RCN2: variants seen among roughly 807,000 people sequenced by gnomAD.
RCN2 encodes reticulocalbin-2.
RCN2 carries 23 observed loss-of-function variants against 37.5 expected under a neutral mutation model. The observed-to-expected ratio is 0.61, with a 90% CI of 0.44 to 0.87. The LOEUF (loss-of-function observed/expected upper bound fraction) is 0.87, where lower values mean the gene tolerates loss of function less well. RCN2 is among the 40% of genes least tolerant of loss of function. RCN2 has a pLI of 0.00. For missense variants in RCN2, 381 were observed against 390.4 expected, an observed-to-expected ratio of 0.98 and a Z score of 0.20; for synonymous variants, 140 against 144.6, an observed-to-expected ratio of 0.97 and a Z score of 0.23.
chr15:76,946,905 G>A (rs925686904), intron 4 of RCN2, among the ~76,000 whole-genome samples: 2 of 152,194 alleles, frequency 1.3e-5, no homozygotes, highest in African/African-American at 4.8e-5. Flanking sequence ...GATAGGGCTA[G>A]GTTTGCTGAA....
rs1162070092 is a variant in RCN2 at position 76,949,795 on chromosome 15, A to T, written c.*573A>T. ...TAGAACTTTATATTTTTGCATATGT[A>T]TAGATAGTAATTATATTTAATGTAT... On this transcript the variant is annotated 3_prime_UTR_variant, in exon 7 of 7. Transcript: ENST00000394885. The T allele has an allele frequency of 1.3e-5, 2 of 152,626 alleles. No individual in the cohort carries two copies. Among genetic ancestry groups the T allele is most frequent in the Non-Finnish European group, 2.9e-5 (2 of 68,022 alleles). 9.5% of individuals were successfully genotyped at this position (152,626 alleles called of 1,614,324 possible). A position where few individuals can be genotyped will look rare whatever the true frequency, so the allele number is the denominator to read the frequency against.
rs537918436 is a variant in RCN2 at position 76,934,730 on chromosome 15, T to C, written c.251-796T>C. Among the ~76,000 whole-genome samples the C allele has an allele frequency of 2.6e-5, 4 of 152,358 alleles. No homozygotes were observed. The East Asian group carries it at 7.7e-4, about 29-fold the overall frequency. ...AATTCAACTCACATAAAATTTATTT[T>C]AAAGGAAGACTTTATGTCACCTTCA... is the stretch of plus-strand genomic sequence containing the variant. On this transcript the variant is annotated intron_variant, in intron 2 of 6. Transcript: ENST00000394885.
intron 3 of RCN2, chr15:76,942,651 A>C (rs1021659018): frequency 2.6e-5 from 4 of 152,244 alleles, no homozygotes; most frequent in African/African-American, 9.7e-5. Flanking sequence ...TGCTAAGACT[A>C]GACTTCCAGG....
intron 3 of RCN2, among the ~76,000 whole-genome samples, chr15:76,936,169 G>GT (rs2075246697): frequency 6.8e-6 from 1 of 147,962 alleles, no homozygotes; most frequent in African/African-American, 2.5e-5. Flanking sequence ...ATCCAAAAAA[G>GT]TAAGTATTAA....
chr15:76,940,902 T>C (rs1346396435), intron 3 of RCN2, among the ~76,000 whole-genome samples: 1 of 152,082 alleles, frequency 6.6e-6, no homozygotes, highest in East Asian at 1.9e-4. Flanking sequence ...ATATAGGGAA[T>C]AAAGATAACC....
In RCN2 at chr15:76,944,184, G is replaced by A. The variant is rs183436362; in HGVS notation, c.561+313G>A. ...AATTTTTTGTATTTTCAGTAGAGAC[G>A]GGGTTTCACCGTGGTCTCAATCTCC... On this transcript the variant is annotated intron_variant, in intron 4 of 6. Transcript: ENST00000394885. Among the ~76,000 whole-genome samples the A allele has an allele frequency of 3.9e-4, 59 of 151,706 alleles. No homozygotes were observed. The East Asian group carries it at 8.3e-3, about 21-fold the overall frequency.
At position 76,950,420 on chromosome 15, in the gene RCN2, G is replaced by C. The variant is rs1170061366; in HGVS notation, c.*1198G>C. 1 of 113,850 alleles carries C rather than the reference G, an allele frequency of 8.8e-6. No homozygotes were observed. Among genetic ancestry groups the C allele is most frequent in the Non-Finnish European group, 1.7e-5 (1 of 59,256 alleles). 7.1% of individuals were successfully genotyped at this position (113,850 alleles called of 1,614,324 possible). ...TTTTTTTTTTTTGTGACAGAGTCTT[G>C]CTCTGTGGCCCAGGCTGGAGTGCAG... On this transcript the variant is annotated 3_prime_UTR_variant, in exon 7 of 7. Coordinates refer to ENST00000394885, the MANE Select transcript of RCN2 (RefSeq NM_002902.3).
chr15:76,945,506 G>T (rs897537409), intron 4 of RCN2, among the ~76,000 whole-genome samples: 1 of 152,078 alleles, frequency 6.6e-6, no homozygotes, highest in African/African-American at 2.4e-5. Context: ...TTGTTGAATT[G>T]TAAGTTTAAC....
rs138955104 is a variant in RCN2, at chr15:76,943,180, T to G, written c.448-578T>G. ...ATTATTAAAGTAGACAGTATAGTACTGTAGAAAGAATAGGGAGGATCCAAG... is the reference window on the plus strand; with the variant it reads ...ATTATTAAAGTAGACAGTATAGTACGGTAGAAAGAATAGGGAGGATCCAAG... On this transcript the variant is annotated intron_variant, in intron 3 of 6. Transcript: ENST00000394885. 9.0e-3 allele frequency: 1,376 copies of G among 152,486 alleles called. 7 individuals are homozygous for G. The highest frequency in any genetic ancestry group is 0.014 in the Non-Finnish European group (977 of 68,176). The allele number at this position is 152,486 out of a possible 1,614,324, so 9.4% of individuals were successfully genotyped here. A position where few individuals can be genotyped will look rare whatever the true frequency, so the allele number is the denominator to read the frequency against.
At chr15:76,947,789 A>AG in intron 5 of RCN2, 1 of 348,368 alleles carries the variant, frequency 2.9e-6, no homozygotes, top group Non-Finnish European at 5.2e-6. Context: ...TAAATGGGGA[A>AG]GGAAGTAAGG....
rs2075305377 is a variant in RCN2 at position 76,948,466 on chromosome 15, T to G, written c.715T>G (p.Tyr239Asp). The G allele has an allele frequency of 6.2e-7, 1 of 1,610,928 alleles. No homozygotes were observed. Among genetic ancestry groups the G allele is most frequent in the Non-Finnish European group, 8.5e-7 (1 of 1,178,174 alleles). Reference protein sequence around the residue: ...LVEKDRFVNDYDKDNDGRLDP... With the variant: ...LVEKDRFVNDDDKDNDGRLDP... ...TGAGAAAGACAGATTCGTGAATGATTATGACAAAGATAACGATGGCAGGCT... is the reference window on the plus strand; with the variant it reads ...TGAGAAAGACAGATTCGTGAATGATGATGACAAAGATAACGATGGCAGGCT... Residue 239 changes from tyrosine to aspartate, a missense_variant, in exon 6 of 7, where the codon TAT becomes GAT. Transcript: ENST00000394885.
intron 3 of RCN2, among the ~76,000 whole-genome samples, chr15:76,937,421 T>A (rs868428030): frequency 4.0e-5 from 6 of 151,254 alleles, no homozygotes; most frequent in Middle Eastern, 3.2e-3. Flanking sequence ...TTTTTTTTTT[T>A]ATTTTTATTT....
chr15:76,936,658 C>T (rs2075250635), intron 3 of RCN2, among the ~76,000 whole-genome samples: 3 of 152,076 alleles, frequency 2.0e-5, no homozygotes, highest in East Asian at 3.9e-4. Context: ...ATTGAGGGTC[C>T]GTGATTTAAA....
At chr15:76,943,948 A>G (rs12908880) in intron 4 of RCN2, 77 bp downstream of exon 4, 4 of 671,438 alleles carry the variant, frequency 6.0e-6, no homozygotes, top group Middle Eastern at 8.8e-4. Context: ...TTTTGTGGGT[A>G]CATAGTAGGT....
chr15:76,943,752 T>TTTG lies in RCN2; in HGVS notation c.448-6_448-5insTTG, dbSNP rs2075284380. 6.5e-7 allele frequency: 1 copy of TTTG among 1,540,210 alleles called. No homozygotes were observed. The highest frequency in any genetic ancestry group is 1.4e-5 in the African/African-American group (1 of 73,018). ...GTATACTAATGAGAAATTTTAATTT[T>TTTG]CAAAGCTTCACTTAAAGGACAAGAA... On this transcript the variant is annotated splice_polypyrimidine_tract_variant and splice_region_variant and intron_variant, in intron 3 of 6. Coordinates refer to ENST00000394885, the MANE Select transcript of RCN2 (RefSeq NM_002902.3).
intron 5 of RCN2, chr15:76,947,843 TAA>T (rs1354129118): frequency 1.2e-5 from 3 of 244,550 alleles, no homozygotes; most frequent in Non-Finnish European, 2.3e-5. Flanking sequence ...AGGTGGATCT[TAA>T]AAGAGATAGA....
At chr15:76,932,044 T>G (rs775688405) in intron 1 of RCN2, 59 bp downstream of exon 1, 107 of 1,232,948 alleles carry the variant, frequency 8.7e-5, no homozygotes, top group Non-Finnish European at 1.1e-4. Flanking sequence ...TGCCGCGGGC[T>G]TTGTCCCGGG....
Position 76,943,485 on chromosome 15 carries a change from A to G in RCN2, c.448-273A>G. On this transcript the variant is annotated intron_variant, in intron 3 of 6. Transcript: ENST00000394885. ...TATTAGAGATTTTTATCCCAGTTTGATAGATGAGGAAACCAGAGAGGTTAA... is the reference window on the plus strand; with the variant it reads ...TATTAGAGATTTTTATCCCAGTTTGGTAGATGAGGAAACCAGAGAGGTTAA... The G allele has an allele frequency of 1.1e-5, 3 of 277,308 alleles. No homozygotes were observed. The East Asian group carries it at 1.9e-4, about 17-fold the overall frequency. The allele number at this position is 277,308 out of a possible 1,614,324, so 17.2% of individuals were successfully genotyped here.
chr15:76,944,467 T>G (rs2075289045), intron 4 of RCN2, among the ~76,000 whole-genome samples: 1 of 152,208 alleles, frequency 6.6e-6, no homozygotes, highest in African/African-American at 2.4e-5. Context: ...TAATAGATCT[T>G]ATTCATTCTT....
Sources: allele counts gnomAD v4.1 joint callset (sites outside exome capture counted in the v4.1 genomes callset), GRCh38; gene constraint gnomAD v4.1.1; transcripts MANE v1.5; gene names NCBI Gene and HGNC (gene_info 2026-07-23, HGNC 2026-07-21).